SGCD: variants seen among roughly 807,000 people sequenced by gnomAD.
The protein encoded by SGCD is sarcoglycan delta.
SGCD carries 18 observed loss-of-function variants against 36.6 expected under a neutral mutation model. The ratio of observed to expected loss-of-function variants is 0.49; its 90% CI spans 0.34 to 0.73. The LOEUF (loss-of-function observed/expected upper bound fraction) is 0.73, where lower values mean the gene tolerates loss of function less well. Ranked by LOEUF, SGCD falls within the 30% of genes least tolerant of loss-of-function variation. SGCD has a pLI of 0.01. For synonymous variants in SGCD, 133 were observed against 130.6 expected (o/e 1.02, Z -0.12); for missense variants, 387 against 346.7 (o/e 1.12, Z -0.92).
intron 4 of SGCD, among the ~76,000 whole-genome samples, chr5:156,545,849 A>C (rs1320470636): frequency 2.0e-5 from 3 of 152,194 alleles, no homozygotes; most frequent in Non-Finnish European, 2.9e-5. Flanking sequence ...GGGGACATTC[A>C]AAGAATGTTG....
At chr5:156,685,637 C>T (rs996544225) in intron 7 of SGCD, among the ~76,000 whole-genome samples, 1 of 152,180 alleles carries the variant, frequency 6.6e-6, no homozygotes, top group South Asian at 2.1e-4. Context: ...CCTAAGCTTA[C>T]CTCATGCATG....
chr5:155,893,862 T>C (rs1170643654), intron 1 of SGCD, among the ~76,000 whole-genome samples: 1 of 152,214 alleles, frequency 6.6e-6, no homozygotes, highest in East Asian at 1.9e-4. Context: ...GCGTAGGCAA[T>C]ATGGTAAAGC....
the SGCD span, among the ~76,000 whole-genome samples, chr5:155,738,812 AGT>A: frequency 6.6e-4 from 94 of 143,294 alleles, 1 homozygote; most frequent in East Asian, 0.012. Flanking sequence ...TGTGTAAGAG[AGT>A]GTGTGAGAGT....
intron 1 of SGCD, among the ~76,000 whole-genome samples, chr5:156,019,627 T>C (rs1345553003): frequency 1.3e-5 from 2 of 152,186 alleles, no homozygotes; most frequent in African/African-American, 4.8e-5. Flanking sequence ...GAAAGCAGCA[T>C]ACACATTATA....
intron 3 of SGCD, among the ~76,000 whole-genome samples, chr5:156,465,399 T>G (rs1471854247): frequency 6.6e-6 from 1 of 152,186 alleles, no homozygotes; most frequent in Non-Finnish European, 1.5e-5. Context: ...TATACCTTGT[T>G]AACTTTGGGA....
At chr5:156,438,069 T>C (rs1451044968) in intron 3 of SGCD, among the ~76,000 whole-genome samples, 2 of 152,184 alleles carry the variant, frequency 1.3e-5, no homozygotes, top group Admixed American at 1.3e-4. Flanking sequence ...GGCACCACAC[T>C]CAATTGGAAA....
intron 3 of SGCD, among the ~76,000 whole-genome samples, chr5:156,146,677 G>C (rs1581128997): frequency 1.3e-5 from 2 of 152,308 alleles, no homozygotes; most frequent in East Asian, 1.9e-4. Context: ...TACAGAGTGA[G>C]TGAATAGACA....
rs1481745706 is a variant in SGCD at position 156,761,693 on chromosome 5, C to G, written c.*2303C>G. The G allele has an allele frequency of 6.6e-6, 1 of 152,092 alleles. No individual in the cohort carries two copies. Among genetic ancestry groups the G allele is most frequent in the Non-Finnish European group, 1.5e-5 (1 of 68,002 alleles). The allele number at this position is 152,092 out of a possible 1,614,324, so 9.4% of individuals were successfully genotyped here. ...CATTAATCTTTAGATGACAAAAAAG[C>G]AAAAAGTTCCCAGAACGTTTTTGCT... On this transcript the variant is annotated 3_prime_UTR_variant, in exon 9 of 9. Transcript: ENST00000337851.
chr5:156,132,312 G>A (rs1307475253), intron 3 of SGCD, among the ~76,000 whole-genome samples: 1 of 151,966 alleles, frequency 6.6e-6, no homozygotes, highest in Non-Finnish European at 1.5e-5. Context: ...TTTCTTATCA[G>A]TGAATCTTAT....
At chr5:156,302,504 T>C (rs1227141170) in intron 3 of SGCD, among the ~76,000 whole-genome samples, 2 of 152,148 alleles carry the variant, frequency 1.3e-5, no homozygotes, top group East Asian at 1.9e-4. Context: ...CACTCCTAGA[T>C]TGGCCCACTA....
chr5:156,403,236 C>T (rs1772244483), intron 3 of SGCD, among the ~76,000 whole-genome samples: 1 of 152,096 alleles, frequency 6.6e-6, no homozygotes, highest in South Asian at 2.1e-4. Context: ...TCAAGACAAG[C>T]CCAGGATCAG....
At chr5:155,886,579 C>T (rs530735805) in intron 1 of SGCD, among the ~76,000 whole-genome samples, 5 of 152,182 alleles carry the variant, frequency 3.3e-5, no homozygotes, top group East Asian at 1.9e-4. Flanking sequence ...GTAAGTAAGT[C>T]GTGGACTGGG....
chr5:156,473,791 C>T (rs996614624), intron 3 of SGCD, among the ~76,000 whole-genome samples: 4 of 152,068 alleles, frequency 2.6e-5, no homozygotes, highest in Admixed American at 6.6e-5. Context: ...AAGGAGCAAT[C>T]GAAGTGATAA....
At chr5:155,737,412 T>C in the SGCD span, among the ~76,000 whole-genome samples, 1 of 152,192 alleles carries the variant, frequency 6.6e-6, no homozygotes, top group Admixed American at 6.5e-5. Flanking sequence ...ACCCATATCA[T>C]TGAAATAAAA....
chr5:155,808,898 C>T, the SGCD span, among the ~76,000 whole-genome samples: 12 of 152,302 alleles, frequency 7.9e-5, no homozygotes, highest in South Asian at 6.2e-4. Context: ...TTTTTAATGA[C>T]GTGGTAGAAC....
Position 156,681,214 on chromosome 5 carries a change from C to T in SGCD, c.575+33678C>T, listed in dbSNP as rs768004094. Among the ~76,000 whole-genome samples, 9 of 152,236 alleles carry T rather than the reference C, an allele frequency of 5.9e-5. No homozygotes were observed. The East Asian group carries it at 9.7e-4, about 16-fold the overall frequency. On this transcript the variant is annotated intron_variant, in intron 7 of 8. Coordinates refer to ENST00000337851, the MANE Select transcript of SGCD (RefSeq NM_000337.6). ...GAACTGTTTGAAAGGTATTGAATGC[C>T]GAAGACTTTACTGAGCGGTAGTGGC...
intron 1 of SGCD, among the ~76,000 whole-genome samples, chr5:155,898,808 G>A (rs1434694040): frequency 6.6e-6 from 1 of 152,154 alleles, no homozygotes; most frequent in Non-Finnish European, 1.5e-5. Context: ...GGCAAGAGAA[G>A]GAAACTCTCT....
chr5:156,155,613 GAAAAAA>G (rs56154305), intron 3 of SGCD, among the ~76,000 whole-genome samples: 2 of 131,150 alleles, frequency 1.5e-5, no homozygotes, highest in Non-Finnish European at 1.6e-5. Flanking sequence ...CGTGGGCTAG[GAAAAAA>G]AAAAAAAAAA....
At chr5:156,012,728 T>A (rs1758886199) in intron 1 of SGCD, among the ~76,000 whole-genome samples, 1 of 151,192 alleles carries the variant, frequency 6.6e-6, no homozygotes, top group Non-Finnish European at 1.5e-5. Context: ...TTCTCCCACC[T>A]CAGCCTCCCA....
Sources: gnomAD v4.1 joint callset for allele counts (sites outside exome capture counted in the v4.1 genomes callset) on GRCh38, gnomAD v4.1.1 for gene constraint, MANE v1.5 for transcripts, NCBI Gene and HGNC (gene_info 2026-07-23, HGNC 2026-07-21) for gene names.